KCTD16: variants seen among roughly 807,000 people sequenced by gnomAD.
The protein encoded by KCTD16 is potassium channel tetramerization domain containing 16.
A neutral mutation model predicts 33.2 loss-of-function variants in KCTD16; 13 were observed. The observed-to-expected ratio is 0.39, with a 90% CI of 0.25 to 0.62. KCTD16 has a LOEUF of 0.62. KCTD16 is among the 20% of genes least tolerant of loss of function. The probability of loss-of-function intolerance (pLI) is 0.50; values close to 1 mark genes in which losing one functional copy is unlikely to be tolerated. For synonymous variants in KCTD16, 197 were observed against 195.3 expected, an observed-to-expected ratio of 1.01 and a Z score of -0.07; for missense variants, 441 against 525.1, an observed-to-expected ratio of 0.84 and a Z score of 1.57.
intron 3 of KCTD16, among the ~76,000 whole-genome samples, chr5:144,418,137 G>A (rs1255239964): frequency 6.6e-6 from 1 of 152,236 alleles, no homozygotes; most frequent in African/African-American, 2.4e-5. Context: ...GCCCTCACTG[G>A]CTTCAGGAGT....
intron 3 of KCTD16, among the ~76,000 whole-genome samples, chr5:144,464,900 A>G (rs2126995316): frequency 6.6e-6 from 1 of 152,106 alleles, no homozygotes; most frequent in East Asian, 1.9e-4. Context: ...GTTGTCTGAG[A>G]TTTATTCTTC....
intron 3 of KCTD16, among the ~76,000 whole-genome samples, chr5:144,285,724 A>C (rs916895156): frequency 2.6e-5 from 4 of 152,122 alleles, no homozygotes; most frequent in Non-Finnish European, 5.9e-5. Context: ...TACATTCTAC[A>C]TTGCTGTCTG....
chr5:144,444,209 CCT>C (rs796828508), intron 3 of KCTD16, among the ~76,000 whole-genome samples: 3 of 149,918 alleles, frequency 2.0e-5, no homozygotes, highest in African/African-American at 7.6e-5. Context: ...ACCCCTCCCC[CCT>C]CCACACACAA....
At chr5:144,253,854 T>G (rs1313596864) in intron 3 of KCTD16, among the ~76,000 whole-genome samples, 1 of 152,220 alleles carries the variant, frequency 6.6e-6, no homozygotes, top group Non-Finnish European at 1.5e-5. Flanking sequence ...GCTAATAAAA[T>G]CTGAAACCAT....
Position 144,458,234 on chromosome 5 carries a change from G to A in KCTD16, c.833-15426G>A, listed in dbSNP as rs868689935. On this transcript the variant is annotated intron_variant, in intron 3 of 3. Transcript: ENST00000512467. ...TACTGCTATTGCCCCCATGTTACAG[G>A]TGAGCAAACTGAGGTTCAGTAACTC... Among the ~76,000 whole-genome samples the A allele has an allele frequency of 2.5e-4, 38 of 152,226 alleles. 1 individual carries two copies. Among genetic ancestry groups the A allele is most frequent in the Middle Eastern group, 6.8e-3 (2 of 294 alleles).
intron 3 of KCTD16, among the ~76,000 whole-genome samples, chr5:144,395,611 T>A (rs1752551055): frequency 6.6e-6 from 1 of 152,218 alleles, no homozygotes; most frequent in South Asian, 2.1e-4. Context: ...CACTAGCAGT[T>A]CCTGCTTACA....
rs183125836 is a variant in KCTD16, at chr5:144,422,162, G to A, written c.833-51498G>A. Among the ~76,000 whole-genome samples the A allele has an allele frequency of 1.4e-3, 213 of 152,240 alleles. 1 individual carries two copies. The highest frequency in any genetic ancestry group is 4.7e-3 in the African/African-American group (196 of 41,568). On this transcript the variant is annotated intron_variant, in intron 3 of 3. Coordinates refer to ENST00000512467, the MANE Select transcript of KCTD16 (RefSeq NM_020768.4). ...AAATTGTCTGGCTAAACTCTGGGCT[G>A]CTTAGTATGTAAAACCAGTGAATGC...
At chr5:144,246,243 C>A (rs545404576) in intron 3 of KCTD16, among the ~76,000 whole-genome samples, 5 of 152,196 alleles carry the variant, frequency 3.3e-5, no homozygotes, top group African/African-American at 9.6e-5. Flanking sequence ...CAGAGTGGGG[C>A]TTGTAAGTTT....
chr5:144,473,277 T>C (rs967291487), intron 3 of KCTD16, among the ~76,000 whole-genome samples: 3 of 152,160 alleles, frequency 2.0e-5, no homozygotes, highest in African/African-American at 7.2e-5. Context: ...CTTATCTAAC[T>C]CCTTCCTATA....
intron 2 of KCTD16, among the ~76,000 whole-genome samples, chr5:144,193,058 C>T (rs969592169): frequency 6.6e-6 from 1 of 152,184 alleles, no homozygotes. Flanking sequence ...TCCTTGCTAG[C>T]TTTTCCTCAT....
intron 3 of KCTD16, among the ~76,000 whole-genome samples, chr5:144,282,148 C>G (rs535612479): frequency 9.2e-5 from 14 of 152,258 alleles, no homozygotes; most frequent in Admixed American, 7.8e-4. Flanking sequence ...TCACCCCCAC[C>G]TCCCAACCTC....
intron 3 of KCTD16, among the ~76,000 whole-genome samples, chr5:144,324,957 A>G (rs1401203868): frequency 1.3e-5 from 2 of 152,212 alleles, no homozygotes. Context: ...CATCAGAAAA[A>G]ATAGCTAATG....
intron 3 of KCTD16, among the ~76,000 whole-genome samples, chr5:144,215,176 A>G (rs1250457838): frequency 2.0e-5 from 3 of 152,180 alleles, no homozygotes; most frequent in Admixed American, 6.5e-5. Context: ...CACCTGCGCA[A>G]AGATTCTAGC....
At chr5:144,358,017 G>A (rs372518736) in intron 3 of KCTD16, among the ~76,000 whole-genome samples, 5 of 151,734 alleles carry the variant, frequency 3.3e-5, no homozygotes, top group Non-Finnish European at 7.4e-5. Context: ...TTGAAGTCTT[G>A]GGTTCAAGTG....
intron 3 of KCTD16, among the ~76,000 whole-genome samples, chr5:144,453,713 C>T (rs531167803): frequency 7.9e-5 from 12 of 152,224 alleles, no homozygotes; most frequent in African/African-American, 2.6e-4. Context: ...TTATTTTCAT[C>T]ATGGTAGAAT....
At chr5:144,345,007 A>G (rs1393006461) in intron 3 of KCTD16, among the ~76,000 whole-genome samples, 4 of 152,054 alleles carry the variant, frequency 2.6e-5, no homozygotes, top group Admixed American at 2.0e-4. Context: ...CATATACACC[A>G]TGGAATACTA....
intron 2 of KCTD16, among the ~76,000 whole-genome samples, chr5:144,193,261 A>C (rs1360523038): frequency 2.6e-5 from 4 of 152,178 alleles, no homozygotes; most frequent in Non-Finnish European, 5.9e-5. Flanking sequence ...ATGACTTCCC[A>C]TAACACATAG....
intron 3 of KCTD16, among the ~76,000 whole-genome samples, chr5:144,244,508 A>G (rs926150977): frequency 6.6e-5 from 10 of 152,218 alleles, no homozygotes; most frequent in Middle Eastern, 3.2e-3. Context: ...TGCTAAGTCA[A>G]TTCCACAGAA....
chr5:144,478,270 G>A lies in KCTD16; in HGVS notation c.*4156G>A, dbSNP rs902946297. 1 of 152,008 alleles carries A rather than the reference G, an allele frequency of 6.6e-6. No homozygotes were observed. Among genetic ancestry groups the A allele is most frequent in the Non-Finnish European group, 1.5e-5 (1 of 67,950 alleles). 9.4% of individuals were successfully genotyped at this position (152,008 alleles called of 1,614,324 possible). A position where few individuals can be genotyped will look rare whatever the true frequency, so the allele number is the denominator to read the frequency against. On this transcript the variant is annotated 3_prime_UTR_variant, in exon 4 of 4. Transcript: ENST00000512467. ...AGAGAAATTAGACCAAATGAAACCT[G>A]CTGGAATAGGTTTGATTTATATTGC... is the stretch of plus-strand genomic sequence containing the variant.
Sources: gnomAD v4.1 joint callset for allele counts (sites outside exome capture counted in the v4.1 genomes callset) on GRCh38, gnomAD v4.1.1 for gene constraint, MANE v1.5 for transcripts, NCBI Gene and HGNC (gene_info 2026-07-23, HGNC 2026-07-21) for gene names.